The following HACD3 variants were observed in gnomAD, a reference collection of about 807,000 sequenced individuals.
HACD3 encodes the protein 3-hydroxyacyl-CoA dehydratase 3.
Under a neutral mutation model 55.2 loss-of-function variants are expected in HACD3, and 30 were observed. The observed-to-expected ratio is 0.54, with a 90% CI of 0.41 to 0.74. The LOEUF is 0.74. HACD3 is among the 30% of genes least tolerant of loss of function. HACD3 has a pLI of 0.00. For missense variants in HACD3, 363 were observed against 440.1 expected (o/e 0.82, Z 1.57); for synonymous variants, 141 against 151.7 (o/e 0.93, Z 0.52).
chr15:65,572,914 C>CAAAAAAAAAAAAAAA (rs60226731), intron 10 of HACD3, among the ~76,000 whole-genome samples: 3 of 106,412 alleles, frequency 2.8e-5, no homozygotes, highest in Non-Finnish European at 4.2e-5. Context: ...GACTTTGTCT[C>CAAAAAAAAAAAAAAA]AAAAAAAAAA....
At chr15:65,551,765 G>A (rs1260158882) in intron 2 of HACD3, 47 bp downstream of exon 2, 4 of 1,598,396 alleles carry the variant, frequency 2.5e-6, no homozygotes, top group African/African-American at 1.3e-5. Flanking sequence ...AGTTAAGGAG[G>A]TGTGGTGGTG....
At chr15:65,548,174 A>T (rs896503286) in intron 1 of HACD3, among the ~76,000 whole-genome samples, 1 of 152,168 alleles carries the variant, frequency 6.6e-6, no homozygotes, top group African/African-American at 2.4e-5. Flanking sequence ...TTATAACTTA[A>T]TCCTTACAGC....
At position 65,530,564 on chromosome 15, in the gene HACD3, A is replaced by T; in HGVS notation, c.-68A>T. The stretch of plus-strand genomic sequence containing the variant: ...TTGAGGCCTGCTTTCTGCTCGCGCC[A>T]GCAGAGCACTACCTGAGGCAGCGAG... On this transcript the variant is annotated 5_prime_UTR_variant, in exon 1 of 11. Coordinates refer to ENST00000261875, the MANE Select transcript of HACD3 (RefSeq NM_016395.4). The T allele has an allele frequency of 2.1e-6, 3 of 1,413,024 alleles. No individual in the cohort carries two copies. The highest frequency in any genetic ancestry group is 2.9e-6 in the Non-Finnish European group (3 of 1,032,378). 87.5% of individuals were successfully genotyped at this position (1,413,024 alleles called of 1,614,324 possible).
rs140911468 is a variant in HACD3, at chr15:65,555,484, T to G, written c.204+524T>G. Among the ~76,000 whole-genome samples, 8 of 152,330 alleles carry G rather than the reference T, an allele frequency of 5.3e-5. No homozygotes were observed. The East Asian group carries it at 1.5e-3, about 29-fold the overall frequency. On this transcript the variant is annotated intron_variant, in intron 3 of 10. Transcript: ENST00000261875. ...CCCTTCCCTTAGAGCCTGAGGAAGCTTCTCTCATAAGCAGGGAGAGAATCC... is the reference window on the plus strand; with the variant it reads ...CCCTTCCCTTAGAGCCTGAGGAAGCGTCTCTCATAAGCAGGGAGAGAATCC...
chr15:65,554,419 T>G (rs1160909150), intron 2 of HACD3, among the ~76,000 whole-genome samples: 2 of 152,164 alleles, frequency 1.3e-5, no homozygotes, highest in Admixed American at 6.5e-5. Flanking sequence ...CCCCCACACA[T>G]TTTAACAGGA....
intron 1 of HACD3, chr15:65,534,559 A>C (rs1025552675): frequency 6.6e-6 from 1 of 152,226 alleles, no homozygotes; most frequent in Non-Finnish European, 1.5e-5. Flanking sequence ...GTTTATTTAC[A>C]AGGTGCTTGT....
chr15:65,532,032 G>C (rs903024500), intron 1 of HACD3, among the ~76,000 whole-genome samples: 15 of 152,018 alleles, frequency 9.9e-5, no homozygotes, highest in Non-Finnish European at 2.2e-4. Flanking sequence ...GTGTCGACTT[G>C]AATTTATTGA....
chr15:65,530,491 T>G lies in HACD3; in HGVS notation c.-141T>G. ...ACTGCGCAGGCGCGGCCCGCGAGCG[T>G]GGGGTATCTCGAGGTGCCGGGTTGC... On this transcript the variant is annotated 5_prime_UTR_variant, in exon 1 of 11. Coordinates refer to ENST00000261875, the MANE Select transcript of HACD3 (RefSeq NM_016395.4). The G allele has an allele frequency of 2.0e-5, 13 of 655,114 alleles. No homozygotes were observed. Among genetic ancestry groups the G allele is most frequent in the Non-Finnish European group, 3.1e-5 (13 of 418,442 alleles). 40.6% of individuals were successfully genotyped at this position (655,114 alleles called of 1,614,324 possible).
chr15:65,566,843 A>G (rs2072297282), intron 7 of HACD3: 1 of 152,208 alleles, frequency 6.6e-6, no homozygotes, highest in Non-Finnish European at 1.5e-5. Flanking sequence ...ATTTTTTATA[A>G]TATCCTTATG....
At chr15:65,546,080 C>T (rs2072074129) in intron 1 of HACD3, among the ~76,000 whole-genome samples, 1 of 152,176 alleles carries the variant, frequency 6.6e-6, no homozygotes, top group Non-Finnish European at 1.5e-5. Context: ...AAATGACAAC[C>T]AGCAACAATT....
At chr15:65,535,606 G>A (rs1317314439) in intron 1 of HACD3, 1 of 400,412 alleles carries the variant, frequency 2.5e-6, no homozygotes, top group East Asian at 3.6e-5. Flanking sequence ...GTGTCTCTGT[G>A]TTGTATTTTG....
At chr15:65,555,982 C>T (rs1407096843) in intron 3 of HACD3, among the ~76,000 whole-genome samples, 1 of 152,078 alleles carries the variant, frequency 6.6e-6, no homozygotes, top group East Asian at 1.9e-4. Flanking sequence ...AACTATTTGC[C>T]TTTCTTATCC....
At chr15:65,547,761 A>G (rs1371378878) in intron 1 of HACD3, among the ~76,000 whole-genome samples, 1 of 152,268 alleles carries the variant, frequency 6.6e-6, no homozygotes, top group Non-Finnish European at 1.5e-5. Flanking sequence ...GTTAGATAGC[A>G]GGTAGTTTAT....
At chr15:65,553,432 G>C (rs930278955) in intron 2 of HACD3, among the ~76,000 whole-genome samples, 9 of 152,156 alleles carry the variant, frequency 5.9e-5, no homozygotes, top group African/African-American at 2.2e-4. Flanking sequence ...CTCTACTGGA[G>C]AGGGTGGGAT....
intron 7 of HACD3, chr15:65,566,268 C>T (rs2141222486): frequency 6.1e-6 from 1 of 164,344 alleles, no homozygotes; most frequent in African/African-American, 2.4e-5. Flanking sequence ...GTTCCAAGGT[C>T]ACTTCCACAT....
intron 5 of HACD3, 122 bp downstream of exon 5, chr15:65,558,853 A>G: frequency 8.2e-7 from 1 of 1,220,572 alleles, no homozygotes; most frequent in Admixed American, 2.1e-5. Flanking sequence ...GGGTGAGTTT[A>G]TGAAAAAGCT....
At chr15:65,566,776 A>ATTTCTTG (rs1365719257) in intron 7 of HACD3, 1 of 152,196 alleles carries the variant, frequency 6.6e-6, no homozygotes, top group Non-Finnish European at 1.5e-5. Context: ...AAGAAAGAAC[A>ATTTCTTG]TTTAAAACCC....
rs183169690 is a variant in HACD3, at chr15:65,564,498, G to A, written c.660+156G>A. The A allele has an allele frequency of 1.9e-5, 19 of 974,702 alleles. No homozygotes were observed. In the East Asian group the frequency reaches 5.1e-4, roughly 26 times the overall value. 60.4% of individuals were successfully genotyped at this position (974,702 alleles called of 1,614,324 possible). On this transcript the variant is annotated intron_variant, in intron 7 of 10. Coordinates refer to ENST00000261875, the MANE Select transcript of HACD3 (RefSeq NM_016395.4). ...GGTTTAATTGGACTTACAGTTCCAT[G>A]TGGCTGGGAAGGTCTCACGATCATG...
At chr15:65,569,647 G>T (rs1017364041) in intron 7 of HACD3, among the ~76,000 whole-genome samples, 1 of 151,948 alleles carries the variant, frequency 6.6e-6, no homozygotes, top group Non-Finnish European at 1.5e-5. Context: ...GTTCAAGGCT[G>T]CAGTGAGCCA....
Sources: allele counts gnomAD v4.1 joint callset (sites outside exome capture counted in the v4.1 genomes callset), GRCh38; gene constraint gnomAD v4.1.1; transcripts MANE v1.5; gene names NCBI Gene and HGNC (gene_info 2026-07-23, HGNC 2026-07-21).